PCDH7: variants seen among roughly 807,000 people sequenced by gnomAD.
PCDH7 encodes the protein protocadherin-7.
A neutral mutation model predicts 58.9 loss-of-function variants in PCDH7; 17 were observed. That is an observed-to-expected ratio of 0.29 (90% CI 0.20 to 0.43). PCDH7 has a LOEUF of 0.43. PCDH7 is among the 20% of genes least tolerant of loss of function. The pLI, the probability that PCDH7 is intolerant of heterozygous loss-of-function variation, is 1.00. For missense variants in PCDH7, 1,274 were observed against 1,441.0 expected (o/e 0.88, Z 1.88); for synonymous variants, 664 against 616.4 (o/e 1.08, Z -1.14).
intron 3 of PCDH7, among the ~76,000 whole-genome samples, chr4:31,094,504 G>A (rs1187335073): frequency 6.6e-6 from 1 of 152,118 alleles, no homozygotes; most frequent in Non-Finnish European, 1.5e-5. Context: ...TATTTTCATA[G>A]TAAGGAATGT....
intron 1 of PCDH7, among the ~76,000 whole-genome samples, chr4:30,823,154 C>T (rs1039498368): frequency 6.6e-6 from 1 of 152,048 alleles, no homozygotes; most frequent in Admixed American, 6.6e-5. Context: ...CCTTTTGCTT[C>T]GCAGGGTTGA....
intron 3 of PCDH7, among the ~76,000 whole-genome samples, chr4:30,951,618 C>G (rs1747381855): frequency 6.6e-6 from 1 of 152,170 alleles, no homozygotes; most frequent in African/African-American, 2.4e-5. Context: ...AAAATAATAA[C>G]AGCAACCATG....
chr4:31,007,536 A>G (rs2109146491), intron 3 of PCDH7, among the ~76,000 whole-genome samples: 1 of 152,170 alleles, frequency 6.6e-6, no homozygotes, highest in African/African-American at 2.4e-5. Context: ...AATTTTTCTG[A>G]AAGTGCTATG....
At chr4:30,852,357 G>T (rs548046949) in intron 1 of PCDH7, among the ~76,000 whole-genome samples, 1 of 152,156 alleles carries the variant, frequency 6.6e-6, no homozygotes, top group South Asian at 2.1e-4. Context: ...GGCAGTGGGG[G>T]ATTAGAGGAT....
At position 30,721,817 on chromosome 4, in the gene PCDH7, T is replaced by C. The variant is rs1448642408; in HGVS notation, c.395T>C (p.Ile132Thr). ...GTGGACCTGTTTGAGGGTCAGGTCA[T>C]CGTGCTTGACATCAACGACAACACG... Residue 132 changes from isoleucine (I) to threonine (T), a missense_variant, in exon 1 of 2, where the codon ATC becomes ACC. Ile to Thr is a moderately conservative substitution (Grantham distance 89). Transcript: ENST00000361762. The surrounding 1 kb of genome is among the most constrained non-coding windows in gnomAD (Gnocchi z 6.7). 5.0e-6 allele frequency: 8 copies of C among 1,612,178 alleles called. No homozygotes were observed. The Admixed American group carries it at 6.7e-5, about 13-fold the overall frequency.
intron 1 of PCDH7, among the ~76,000 whole-genome samples, chr4:30,760,266 T>C (rs1454396209): frequency 6.6e-6 from 1 of 152,156 alleles, no homozygotes. Context: ...AAGGCAGTCT[T>C]GTGCTGCTCA....
intron 2 of PCDH7, among the ~76,000 whole-genome samples, chr4:30,939,078 T>A (rs1745722331): frequency 1.3e-5 from 2 of 152,138 alleles, no homozygotes; most frequent in African/African-American, 4.8e-5. Flanking sequence ...TAATTTTCCA[T>A]ACAAGGGATA....
chr4:31,056,509 G>GAAAGAA, intron 3 of PCDH7, among the ~76,000 whole-genome samples: 1 of 106,840 alleles, frequency 9.4e-6, no homozygotes, highest in Non-Finnish European at 1.9e-5. Flanking sequence ...AAGAAAGAAA[G>GAAAGAA]AAAGAAAGGG....
At chr4:31,001,155 CA>C (rs902186546) in intron 3 of PCDH7, among the ~76,000 whole-genome samples, 2 of 151,278 alleles carry the variant, frequency 1.3e-5, no homozygotes, top group East Asian at 1.9e-4. Flanking sequence ...AACCTGCGGA[CA>C]AAAAAAAGTT....
At chr4:30,801,171 T>A (rs1290622891) in intron 1 of PCDH7, among the ~76,000 whole-genome samples, 1 of 152,164 alleles carries the variant, frequency 6.6e-6, no homozygotes, top group Non-Finnish European at 1.5e-5. Context: ...GATTAGATGT[T>A]GGGGAAAAGA....
chr4:30,951,605 C>CA (rs1578398155), intron 3 of PCDH7, among the ~76,000 whole-genome samples: 1 of 152,146 alleles, frequency 6.6e-6, no homozygotes, highest in East Asian at 1.9e-4. Context: ...AATTCACATA[C>CA]AAAAAATAAT....
chr4:30,899,284 C>G (rs563326397), intron 1 of PCDH7, among the ~76,000 whole-genome samples: 178 of 152,212 alleles, frequency 1.2e-3, no homozygotes, highest in African/African-American at 3.3e-3. Flanking sequence ...GAATGAGAGG[C>G]CCGTAAGGTA....
At chr4:31,001,173 A>G (rs1752335557) in intron 3 of PCDH7, among the ~76,000 whole-genome samples, 1 of 152,058 alleles carries the variant, frequency 6.6e-6, no homozygotes, top group Admixed American at 6.6e-5. Context: ...AGTTCATAAA[A>G]TAGTCCATGG....
At chr4:30,909,478 A>G (rs186666916) in intron 1 of PCDH7, among the ~76,000 whole-genome samples, 337 of 152,358 alleles carry the variant, frequency 2.2e-3, no homozygotes, top group Non-Finnish European at 3.4e-3. Context: ...CAATTTCAGC[A>G]AAGTCTCAGG....
rs1386700574 is a variant in PCDH7, at chr4:30,871,873, T to C, written c.71-48280T>C. Reference sequence around the variant, plus strand: ...GTGACCCATCAATCCTTGGCACTCATTGGTTTGCAGCTGCATTGCTCCAAA... The same window carrying C: ...GTGACCCATCAATCCTTGGCACTCACTGGTTTGCAGCTGCATTGCTCCAAA... On this transcript the variant is annotated intron_variant, in intron 1 of 3. Coordinates refer to the PCDH7 transcript ENST00000509759. Among the ~76,000 whole-genome samples, 6 of 152,034 alleles carry C rather than the reference T, an allele frequency of 3.9e-5. No homozygotes were observed. The South Asian group carries it at 6.2e-4, about 16-fold the overall frequency.
At chr4:31,073,931 A>G (rs1758763806) in intron 3 of PCDH7, among the ~76,000 whole-genome samples, 1 of 151,880 alleles carries the variant, frequency 6.6e-6, no homozygotes, top group African/African-American at 2.4e-5. Context: ...GTCTCCTATT[A>G]TTCTCTCCTG....
At chr4:31,097,866 G>A (rs890039241) in intron 3 of PCDH7, among the ~76,000 whole-genome samples, 1 of 151,460 alleles carries the variant, frequency 6.6e-6, no homozygotes, top group Non-Finnish European at 1.5e-5. Flanking sequence ...TTAAAATAAG[G>A]CAGTTAAATG....
intron 1 of PCDH7, among the ~76,000 whole-genome samples, chr4:30,776,720 T>G (rs1487761638): frequency 6.6e-6 from 1 of 152,162 alleles, no homozygotes; most frequent in Non-Finnish European, 1.5e-5. Flanking sequence ...GTTTGGCTTT[T>G]GAGGTCATAA....
At chr4:31,049,819 T>A (rs181797771) in intron 3 of PCDH7, among the ~76,000 whole-genome samples, 1 of 152,090 alleles carries the variant, frequency 6.6e-6, no homozygotes, top group Non-Finnish European at 1.5e-5. Context: ...GTGGACATAT[T>A]TGAACCAATC....
Sources: allele counts gnomAD v4.1 joint callset (sites outside exome capture counted in the v4.1 genomes callset), GRCh38; gene constraint gnomAD v4.1.1; non-coding constraint Gnocchi (gnomAD v3.1); transcripts MANE v1.5; gene names NCBI Gene and HGNC (gene_info 2026-07-23, HGNC 2026-07-21).